Variants in SMARCA2 observed in about 807,000 individuals in gnomAD.
The protein encoded by SMARCA2 is SWI/SNF related BAF chromatin remodeling complex subunit ATPase 2.
A neutral mutation model predicts 199.8 loss-of-function variants in SMARCA2; 61 were observed. That is an observed-to-expected ratio of 0.31 (90% CI 0.25 to 0.38). The LOEUF (loss-of-function observed/expected upper bound fraction) is 0.38, where lower values mean the gene tolerates loss of function less well. SMARCA2 is among the 10% of genes least tolerant of loss of function. The pLI, the probability that SMARCA2 is intolerant of heterozygous loss-of-function variation, is 1.00. For missense variants in SMARCA2, 1,344 were observed against 2,012.2 expected (o/e 0.67, Z 6.35); for synonymous variants, 935 against 732.0 (o/e 1.28, Z -4.48).
chr9:2,083,246 C>A, intron 15 of SMARCA2, 101 bp from the exon 16 acceptor site: 1 of 680,100 alleles, frequency 1.5e-6, no homozygotes, highest in Non-Finnish European at 2.5e-6. Flanking sequence ...ATTCTGTAGC[C>A]CCTTTCAAGG....
At chr9:2,165,948 C>T (rs13291927) in intron 28 of SMARCA2, among the ~76,000 whole-genome samples, 45,913 of 152,066 alleles carry the variant, frequency 0.3, 8,250 homozygotes, top group Non-Finnish European at 0.4. Context: ...CATCCACCTC[C>T]ATGTGGACAC....
rs73379459 is a variant in SMARCA2 at position 2,046,566 on chromosome 9, G to C, written c.791-663G>C. On this transcript the variant is annotated intron_variant, in intron 4 of 33. Transcript: ENST00000349721. ...GAAATATGCTTTATAGGCCTTAAAAGAAAAAGTGTGTGCTCCTTGTAGTTC... is the reference window on the plus strand; with the variant it reads ...GAAATATGCTTTATAGGCCTTAAAACAAAAAGTGTGTGCTCCTTGTAGTTC... Among the ~76,000 whole-genome samples, 1,069 of 152,278 alleles carry C rather than the reference G, an allele frequency of 7.0e-3. 14 individuals carry two copies. Among genetic ancestry groups the C allele is most frequent in the African/African-American group, 0.024 (980 of 41,550 alleles).
rs934317074 is a variant in SMARCA2 at position 2,086,694 on chromosome 9, C to T, written c.2527-135C>T. On this transcript the variant is annotated intron_variant, in intron 17 of 33. Coordinates refer to ENST00000349721, the MANE Select transcript of SMARCA2 (RefSeq NM_003070.5). The surrounding 1 kb of genome is among the most constrained non-coding windows in gnomAD (Gnocchi z 4.3). Reference sequence around the variant, plus strand: ...AGGCATGAGACATTGTTGAGATTCCCTTGTCTCAAAGGTAATCACAGCATA... The same window carrying T: ...AGGCATGAGACATTGTTGAGATTCCTTTGTCTCAAAGGTAATCACAGCATA... The T allele has an allele frequency of 6.7e-6, 6 of 891,386 alleles. No homozygotes were observed. In the African/African-American group the frequency reaches 1.0e-4, roughly 15 times the overall value. 55.2% of individuals were successfully genotyped at this position (891,386 alleles called of 1,614,324 possible).
chr9:2,037,901 T>C (rs915748967), intron 3 of SMARCA2, among the ~76,000 whole-genome samples: 5 of 152,240 alleles, frequency 3.3e-5, no homozygotes, highest in African/African-American at 9.6e-5. Context: ...CCTCCAACAA[T>C]GTTCAGTCAT....
chr9:2,039,961 T>A lies in SMARCA2; in HGVS notation c.790+61T>A. 6.3e-7 allele frequency: 1 copy of A among 1,590,110 alleles called. No homozygotes were observed. Among genetic ancestry groups the A allele is most frequent in the Non-Finnish European group, 8.6e-7 (1 of 1,168,898 alleles). On this transcript the variant is annotated intron_variant, in intron 4 of 33. Coordinates refer to ENST00000349721, the MANE Select transcript of SMARCA2 (RefSeq NM_003070.5). The surrounding 1 kb of genome is among the most constrained non-coding windows in gnomAD (Gnocchi z 4.8). The stretch of plus-strand genomic sequence containing the variant: ...GTCCAACTCGGATAACAAAGACTGC[T>A]CACCAAAACACCGGGTTGTTAAAAG...
chr9:2,187,633 T>A (rs948054699), intron 32 of SMARCA2, among the ~76,000 whole-genome samples: 1 of 152,012 alleles, frequency 6.6e-6, no homozygotes, highest in Non-Finnish European at 1.5e-5. Flanking sequence ...GCTATGATCA[T>A]ACCGCTGCCC....
chr9:2,190,908 A>G (rs935203005), intron 32 of SMARCA2, among the ~76,000 whole-genome samples: 2 of 152,096 alleles, frequency 1.3e-5, no homozygotes, highest in Admixed American at 1.3e-4. Flanking sequence ...TTTTAATGTA[A>G]AAGTTCTATT....
intron 4 of SMARCA2, chr9:2,045,283 C>T (rs1360218053): frequency 6.6e-6 from 1 of 152,174 alleles, no homozygotes; most frequent in South Asian, 2.1e-4. Context: ...TATAGCAAGG[C>T]TTCAAATATG....
rs140226969 is a variant in SMARCA2 at position 2,069,211 on chromosome 9, C to T, written c.1693-1207C>T. On this transcript the variant is annotated intron_variant, in intron 9 of 33. Transcript: ENST00000349721. ...GATTACAGGCCTGAGCCACCGCACC[C>T]GGCCGATATGACATAATCTTAACTT... Among the ~76,000 whole-genome samples, 37 of 151,762 alleles carry T rather than the reference C, an allele frequency of 2.4e-4. No individual in the cohort carries two copies. In the South Asian group the frequency reaches 3.5e-3, roughly 15 times the overall value.
chr9:2,149,740 C>T (rs1311569738), intron 27 of SMARCA2, among the ~76,000 whole-genome samples: 1 of 151,424 alleles, frequency 6.6e-6, no homozygotes, highest in East Asian at 1.9e-4. Context: ...CACCTTTGTT[C>T]TTATTTTTTT....
intron 10 of SMARCA2, 147 bp downstream of exon 10, chr9:2,070,618 T>C: frequency 1.6e-6 from 1 of 618,696 alleles, no homozygotes; most frequent in Non-Finnish European, 2.9e-6. Context: ...AGTAGAAAAT[T>C]AGAATGATAC....
At chr9:2,088,957 A>G (rs970701178) in intron 19 of SMARCA2, among the ~76,000 whole-genome samples, 1 of 148,056 alleles carries the variant, frequency 6.8e-6, no homozygotes, top group African/African-American at 2.6e-5. Context: ...CTTATAAGTG[A>G]ATGGAAGATT....
chr9:2,076,514 C>T (rs2130440816), intron 13 of SMARCA2, among the ~76,000 whole-genome samples, 185 bp downstream of exon 13: 1 of 151,310 alleles, frequency 6.6e-6, no homozygotes, highest in South Asian at 2.1e-4. Context: ...GTTGATTCTC[C>T]ATCCCTCCCT....
In SMARCA2 at chr9:2,170,420, T is replaced by C. The variant is rs768679129; in HGVS notation, c.4201T>C (p.Cys1401Arg). 1.2e-6 allele frequency: 2 copies of C among 1,614,132 alleles called. No individual in the cohort carries two copies. The highest frequency in any genetic ancestry group is 1.7e-6 in the Non-Finnish European group (2 of 1,180,004). Residue 1401 changes from cysteine to arginine, a missense_variant and splice_region_variant, in exon 29 of 34, where the codon TGT (cysteine) becomes CGT (arginine). This residue lies in a region of SMARCA2 where 151 missense variants were observed against 154.0 expected (regional missense o/e 0.98). Transcript: ENST00000349721. The surrounding 1 kb of genome is among the most constrained non-coding windows in gnomAD (Gnocchi z 4.7). ...AGTGTTCTTTCTACTCTACCGCAGGTGTAACGTGGAGAAGGTGCCCAGTAA... is the reference window on the plus strand; with the variant it reads ...AGTGTTCTTTCTACTCTACCGCAGGCGTAACGTGGAGAAGGTGCCCAGTAA... ...IDTVINYKDRCNVEKVPSNSQ... is the reference protein window; with the variant it reads ...IDTVINYKDRRNVEKVPSNSQ...
At chr9:2,131,405 A>C (rs2130651995) in intron 27 of SMARCA2, among the ~76,000 whole-genome samples, 1 of 152,290 alleles carries the variant, frequency 6.6e-6, no homozygotes, top group East Asian at 1.9e-4. Context: ...TGTCCTGTGC[A>C]GTTGGGCCCC....
At chr9:2,121,593 T>C (rs932883002) in intron 26 of SMARCA2, among the ~76,000 whole-genome samples, 1 of 152,216 alleles carries the variant, frequency 6.6e-6, no homozygotes, top group Admixed American at 6.5e-5. Context: ...TTTAAATATT[T>C]AAACTCTTTA....
At position 2,029,212 on chromosome 9, in the gene SMARCA2, G is replaced by A; in HGVS notation, c.190G>A (p.Asp64Asn). ...TCCTATGCCGACGATGGGGTCCACA[G>A]ACTTCCCACAGGAAGGCATGCATCA... ...SHPMPTMGST[D>N]FPQEGMHQMH... Residue 64 changes from aspartate to asparagine, a missense_variant, in exon 2 of 34, where the codon GAC becomes AAC. This residue lies in a region of SMARCA2 where 275 missense variants were observed against 247.5 expected (regional missense o/e 1.11). Coordinates refer to ENST00000349721, the MANE Select transcript of SMARCA2 (RefSeq NM_003070.5). The A allele has an allele frequency of 6.2e-7, 1 of 1,612,874 alleles. No homozygotes were observed. Among genetic ancestry groups the A allele is most frequent in the Non-Finnish European group, 8.5e-7 (1 of 1,179,430 alleles).
chr9:2,172,632 G>A (rs1182571153), intron 29 of SMARCA2, among the ~76,000 whole-genome samples: 1 of 152,108 alleles, frequency 6.6e-6, no homozygotes, highest in Non-Finnish European at 1.5e-5. Flanking sequence ...ACCAAGCTGA[G>A]GAGGAATTTT....
At chr9:2,087,835 G>A (rs1027040296) in intron 18 of SMARCA2, among the ~76,000 whole-genome samples, 1 of 152,206 alleles carries the variant, frequency 6.6e-6, no homozygotes, top group Non-Finnish European at 1.5e-5. Flanking sequence ...CCCATCCTCA[G>A]TAGTTAACTC....
Sources: allele counts gnomAD v4.1 joint callset (sites outside exome capture counted in the v4.1 genomes callset), GRCh38; gene constraint gnomAD v4.1.1; regional missense constraint gnomAD v4.1.1; non-coding constraint Gnocchi (gnomAD v3.1); transcripts MANE v1.5; gene names NCBI Gene and HGNC (gene_info 2026-07-23, HGNC 2026-07-21).